Variants in ABTB3 observed in about 807,000 individuals in gnomAD.
ABTB3 encodes ankyrin repeat- and BTB/POZ domain-containing protein 3.
chr12:107,550,149 G>C, the ABTB3 span, among the ~76,000 whole-genome samples: 1 of 152,206 alleles, frequency 6.6e-6, no homozygotes, highest in African/African-American at 2.4e-5. Flanking sequence ...ATTGAAGCCA[G>C]AGGGCCAGGC....
chr12:107,463,789 CA>C, the ABTB3 span, among the ~76,000 whole-genome samples: 1 of 152,176 alleles, frequency 6.6e-6, no homozygotes, highest in Non-Finnish European at 1.5e-5. Context: ...CCTCATTCTG[CA>C]GATAAACAAC....
chr12:107,483,995 C>T, the ABTB3 span, among the ~76,000 whole-genome samples: 9 of 152,274 alleles, frequency 5.9e-5, no homozygotes, highest in African/African-American at 2.2e-4. Flanking sequence ...CTCAGCCAGG[C>T]TGTTTATTTT....
At chr12:107,475,211 C>T in the ABTB3 span, among the ~76,000 whole-genome samples, 1 of 152,186 alleles carries the variant, frequency 6.6e-6, no homozygotes, top group African/African-American at 2.4e-5. Flanking sequence ...TCCCTGGACT[C>T]GAGGTAAGGA....
chr12:107,484,920 G>A, the ABTB3 span, among the ~76,000 whole-genome samples: 2 of 152,132 alleles, frequency 1.3e-5, no homozygotes, highest in African/African-American at 4.8e-5. Context: ...TGGGGACAGG[G>A]CAGAGATCAG....
chr12:107,445,523 A>G, the ABTB3 span, among the ~76,000 whole-genome samples: 1 of 152,188 alleles, frequency 6.6e-6, no homozygotes, highest in African/African-American at 2.4e-5. Flanking sequence ...GTGGGTGCCC[A>G]GAGACACCTC....
At chr12:107,519,203 C>T in the ABTB3 span, among the ~76,000 whole-genome samples, 4 of 152,338 alleles carry the variant, frequency 2.6e-5, no homozygotes, top group Admixed American at 2.6e-4. Context: ...GGTTCTGGAT[C>T]TGCTCTGTGT....
chr12:107,529,151 G>A, the ABTB3 span, among the ~76,000 whole-genome samples: 3 of 150,754 alleles, frequency 2.0e-5, no homozygotes, highest in Non-Finnish European at 3.0e-5. Context: ...CGATAATGAC[G>A]GAGATGATGG....
At chr12:107,338,059 AT>A in the ABTB3 span, among the ~76,000 whole-genome samples, 1 of 151,978 alleles carries the variant, frequency 6.6e-6, no homozygotes, top group Admixed American at 6.6e-5. Context: ...GACCAGAACC[AT>A]TTTTTTTCCC....
chr12:107,368,819 A>G, the ABTB3 span, among the ~76,000 whole-genome samples: 1 of 152,042 alleles, frequency 6.6e-6, no homozygotes, highest in Non-Finnish European at 1.5e-5. Context: ...TGTTACTTTC[A>G]TTTTCATTTA....
At chr12:107,485,238 T>C in the ABTB3 span, among the ~76,000 whole-genome samples, 3 of 152,182 alleles carry the variant, frequency 2.0e-5, no homozygotes, top group African/African-American at 7.2e-5. Flanking sequence ...TCCGTCTTGT[T>C]GATTCCTCAG....
chr12:107,410,758 T>C, the ABTB3 span, among the ~76,000 whole-genome samples: 2 of 151,132 alleles, frequency 1.3e-5, no homozygotes, highest in Non-Finnish European at 3.0e-5. Flanking sequence ...AGGGAGAGAG[T>C]GGAGGAGAAT....
At chr12:107,654,495 TG>T in the ABTB3 span, among the ~76,000 whole-genome samples, 2 of 152,062 alleles carry the variant, frequency 1.3e-5, no homozygotes, top group African/African-American at 4.8e-5. Flanking sequence ...GACAGATGCT[TG>T]CCATGTTGGC....
the ABTB3 span, among the ~76,000 whole-genome samples, chr12:107,620,737 G>T: frequency 6.6e-6 from 1 of 152,156 alleles, no homozygotes; most frequent in Non-Finnish European, 1.5e-5. Flanking sequence ...TGACCCCTTG[G>T]GATTCACCCG....
chr12:107,657,750 C>CT, the ABTB3 span: 1 of 1,604,190 alleles, frequency 6.2e-7, no homozygotes, highest in Non-Finnish European at 8.5e-7. Flanking sequence ...TTCCCGGGAA[C>CT]TTTCCAGTTC....
the ABTB3 span, among the ~76,000 whole-genome samples, chr12:107,479,986 A>T: frequency 2.0e-5 from 3 of 152,164 alleles, no homozygotes; most frequent in Non-Finnish European, 4.4e-5. Flanking sequence ...TTGAGAAATA[A>T]CACAACCAAA....
chr12:107,436,360 A>T, the ABTB3 span, among the ~76,000 whole-genome samples: 1 of 152,168 alleles, frequency 6.6e-6, no homozygotes, highest in East Asian at 1.9e-4. Context: ...GGCCTAATCA[A>T]CCCATGCTGG....
At chr12:107,651,563 A>T in the ABTB3 span, 1 of 673,688 alleles carries the variant, frequency 1.5e-6, no homozygotes. Flanking sequence ...CCTACCTGTG[A>T]CACTGCTGTG....
At chr12:107,443,741 T>C in the ABTB3 span, among the ~76,000 whole-genome samples, 2 of 149,704 alleles carry the variant, frequency 1.3e-5, no homozygotes, top group East Asian at 4.0e-4. Flanking sequence ...AGCTATAGTC[T>C]GTGCCAATAG....
chr12:107,497,056 T>A, the ABTB3 span, among the ~76,000 whole-genome samples: 1 of 152,148 alleles, frequency 6.6e-6, no homozygotes, highest in East Asian at 1.9e-4. Flanking sequence ...AGATATACAT[T>A]GTGTGAGTAT....
Sources: allele counts gnomAD v4.1 joint callset (sites outside exome capture counted in the v4.1 genomes callset), GRCh38; gene constraint gnomAD v4.1.1; transcripts MANE v1.5; gene names NCBI Gene and HGNC (gene_info 2026-07-23, HGNC 2026-07-21).